Variants in ZNF704 observed in about 807,000 individuals in gnomAD.
ZNF704 encodes glucocorticoid induced gene 1.
ZNF704 carries 10 observed loss-of-function variants against 44.7 expected under a neutral mutation model. That is an observed-to-expected ratio of 0.22 (90% CI 0.14 to 0.38). The LOEUF is 0.38. Among genes scored for constraint, ZNF704 ranks in the 10% least tolerant of loss-of-function variants. ZNF704 has a pLI of 1.00. For synonymous variants in ZNF704, 211 were observed against 207.6 expected (o/e 1.02, Z -0.14); for missense variants, 390 against 545.5 (o/e 0.71, Z 2.84).
chr8:80,861,991 C>CTTTTTTTTTT lies in ZNF704; in HGVS notation c.-22+12570_-22+12579dup, dbSNP rs71266093. 8.6e-5 allele frequency among the ~76,000 whole-genome samples: 8 copies of CTTTTTTTTTT among 92,996 alleles called. 1 individual carries two copies. The highest frequency in any genetic ancestry group is 4.3e-4 in the African/African-American group (8 of 18,556). The allele number at this position is 92,996 out of a possible 152,430, so 61.0% of individuals were successfully genotyped here. ...GTTGAACAAGATAGAAAAAAATAAC[C>CTTTTTTTTTT]TTTTTTTTTTTTTTTTTTTTTTTTT... On this transcript the variant is annotated intron_variant, in intron 1 of 8. Transcript: ENST00000327835.
chr8:80,728,965 T>C (rs913409481), intron 2 of ZNF704, among the ~76,000 whole-genome samples: 4 of 152,206 alleles, frequency 2.6e-5, no homozygotes, highest in Admixed American at 1.3e-4. Flanking sequence ...TCATTCTTTT[T>C]TTCTTTGCAC....
chr8:80,861,382 T>C (rs184083419), intron 1 of ZNF704, among the ~76,000 whole-genome samples: 36 of 152,226 alleles, frequency 2.4e-4, no homozygotes, highest in African/African-American at 7.2e-4. Flanking sequence ...TTCTTTTTTT[T>C]CCTGAAAAAT....
rs545612028 is a variant in ZNF704, at chr8:80,847,891, T to C, written c.-21-26276A>G. Reference sequence around the variant, plus strand: ...TGACATTTTCTTATAAAACTAAACATGCACTTACCATAAGATACAGAAAGC... The same window carrying C: ...TGACATTTTCTTATAAAACTAAACACGCACTTACCATAAGATACAGAAAGC... On this transcript the variant is annotated intron_variant, in intron 1 of 8. Transcript: ENST00000327835. 2.5e-3 allele frequency among the ~76,000 whole-genome samples: 378 copies of C among 152,294 alleles called. 4 individuals are homozygous for C. Among genetic ancestry groups the C allele is most frequent in the Non-Finnish European group, 1.7e-3 (118 of 68,026 alleles).
intron 4 of ZNF704, chr8:80,673,369 C>T (rs983011306): frequency 6.6e-6 from 1 of 152,210 alleles, no homozygotes; most frequent in East Asian, 1.9e-4. Context: ...GGAACCTCCA[C>T]TGACCTGACT....
At chr8:80,678,282 T>A (rs1029986300) in intron 4 of ZNF704, among the ~76,000 whole-genome samples, 1 of 152,172 alleles carries the variant, frequency 6.6e-6, no homozygotes, top group African/African-American at 2.4e-5. Flanking sequence ...CTGTCAACTG[T>A]TTTGGAGGAG....
intron 4 of ZNF704, among the ~76,000 whole-genome samples, chr8:80,678,677 A>G (rs368241010): frequency 2.2e-4 from 33 of 152,358 alleles, no homozygotes; most frequent in African/African-American, 7.0e-4. Flanking sequence ...ATTATGCCAT[A>G]TGACTGTATA....
chr8:80,809,464 G>C (rs1278882952), intron 2 of ZNF704, among the ~76,000 whole-genome samples: 1 of 152,164 alleles, frequency 6.6e-6, no homozygotes, highest in African/African-American at 2.4e-5. Flanking sequence ...TACTATTTTG[G>C]GGGTTAAGAA....
intron 2 of ZNF704, among the ~76,000 whole-genome samples, chr8:80,790,854 TG>T (rs1010453438): frequency 1.3e-5 from 2 of 152,112 alleles, no homozygotes; most frequent in African/African-American, 4.8e-5. Context: ...GAGGAAATGT[TG>T]AAGGCAGCAC....
intron 2 of ZNF704, among the ~76,000 whole-genome samples, chr8:80,765,083 C>G (rs1356151729): frequency 6.6e-6 from 1 of 152,114 alleles, no homozygotes; most frequent in Non-Finnish European, 1.5e-5. Context: ...GGTCTCAGAA[C>G]CAGGGAAGCT....
rs567056727 is a variant in ZNF704 at position 80,856,255 on chromosome 8, G to A, written c.-22+18316C>T. Among the ~76,000 whole-genome samples, 13 of 152,110 alleles carry A rather than the reference G, an allele frequency of 8.5e-5. No individual in the cohort carries two copies. In the East Asian group the frequency reaches 1.4e-3, roughly 16 times the overall value. On this transcript the variant is annotated intron_variant, in intron 1 of 8. Transcript: ENST00000327835. Reference sequence around the variant, plus strand: ...ATTATAGCTATGAGCCACCGTGCCCGGACCCTGTTCAATTCTTGATAAACA... The same window carrying A: ...ATTATAGCTATGAGCCACCGTGCCCAGACCCTGTTCAATTCTTGATAAACA...
intron 7 of ZNF704, among the ~76,000 whole-genome samples, chr8:80,649,227 C>T (rs1314703866): frequency 6.6e-6 from 1 of 152,116 alleles, no homozygotes; most frequent in Non-Finnish European, 1.5e-5. Flanking sequence ...GTCTACAGCT[C>T]CCAGCATGAG....
At chr8:80,761,977 T>C (rs906206468) in intron 2 of ZNF704, among the ~76,000 whole-genome samples, 6 of 152,198 alleles carry the variant, frequency 3.9e-5, no homozygotes, top group African/African-American at 1.4e-4. Flanking sequence ...CTAAAGAAAT[T>C]TTATCTTTAA....
At chr8:80,653,655 G>A (rs111642363) in intron 7 of ZNF704, among the ~76,000 whole-genome samples, 1 of 152,056 alleles carries the variant, frequency 6.6e-6, no homozygotes, top group African/African-American at 2.4e-5. Context: ...ACCTCTTCAA[G>A]GAGAACTACA....
intron 3 of ZNF704, among the ~76,000 whole-genome samples, chr8:80,689,831 G>T (rs984086431): frequency 6.6e-6 from 1 of 152,152 alleles, no homozygotes; most frequent in Admixed American, 6.6e-5. Context: ...ATATAGAAAT[G>T]ATTTTTCTCA....
intron 1 of ZNF704, among the ~76,000 whole-genome samples, chr8:80,844,977 G>T (rs924338782): frequency 6.6e-6 from 1 of 151,990 alleles, no homozygotes; most frequent in African/African-American, 2.4e-5. Context: ...ACTGCACCCA[G>T]CCTGGAATAT....
intron 1 of ZNF704, among the ~76,000 whole-genome samples, chr8:80,840,138 G>A (rs1323584654): frequency 1.3e-5 from 2 of 152,140 alleles, no homozygotes. Context: ...GCCTGCAAGA[G>A]CTGAAAAAAA....
At chr8:80,845,682 G>A (rs998688404) in intron 1 of ZNF704, among the ~76,000 whole-genome samples, 5 of 152,120 alleles carry the variant, frequency 3.3e-5, no homozygotes, top group African/African-American at 1.2e-4. Context: ...AAGCACAAGA[G>A]GCACACCCAA....
intron 1 of ZNF704, among the ~76,000 whole-genome samples, chr8:80,844,437 TGA>T (rs1808733956): frequency 6.6e-6 from 1 of 152,296 alleles, no homozygotes; most frequent in South Asian, 2.1e-4. Flanking sequence ...ACCCCATTCA[TGA>T]GAGTTTCACC....
intron 1 of ZNF704, among the ~76,000 whole-genome samples, chr8:80,860,174 G>A (rs1039685888): frequency 6.6e-6 from 1 of 152,206 alleles, no homozygotes; most frequent in Non-Finnish European, 1.5e-5. Flanking sequence ...GTAAACAAGA[G>A]CTTCTTTGTG....
Sources: allele counts gnomAD v4.1 joint callset (sites outside exome capture counted in the v4.1 genomes callset), GRCh38; gene constraint gnomAD v4.1.1; transcripts MANE v1.5; gene names NCBI Gene and HGNC (gene_info 2026-07-23, HGNC 2026-07-21).